LNX1: variants seen among roughly 807,000 people sequenced by gnomAD.
LNX1 encodes the protein ligand of numb-protein X 1.
Under a neutral mutation model 68.4 loss-of-function variants are expected in LNX1, and 54 were observed. That is an observed-to-expected ratio of 0.79 (90% CI 0.63 to 0.99). The LOEUF (loss-of-function observed/expected upper bound fraction) is 0.99. Among genes scored for constraint, LNX1 ranks in the 50% least tolerant of loss-of-function variants. The pLI, the probability that LNX1 is intolerant of heterozygous loss-of-function variation, is 0.00. For synonymous variants in LNX1, 336 were observed against 350.0 expected (o/e 0.96, Z 0.45); for missense variants, 906 against 926.4 (o/e 0.98, Z 0.29).
chr4:53,620,901 A>G (rs1419526922), upstream of LNX1, among the ~76,000 whole-genome samples: 2 of 152,176 alleles, frequency 1.3e-5, no homozygotes, highest in South Asian at 2.1e-4. Context: ...TGCAAAAATG[A>G]CTTTTGAGCT....
intron 1 of LNX1, among the ~76,000 whole-genome samples, chr4:53,645,069 G>A (rs1484067235): frequency 6.6e-6 from 1 of 152,190 alleles, no homozygotes; most frequent in Admixed American, 6.5e-5. Flanking sequence ...TAAGGGCACA[G>A]CCAGGCAGTG....
chr4:53,585,941 C>G (rs777763192), intron 1 of LNX1, among the ~76,000 whole-genome samples: 3 of 152,098 alleles, frequency 2.0e-5, no homozygotes, highest in African/African-American at 4.8e-5. Context: ...ATGCTCCCAA[C>G]GATCCTTTCC....
chr4:53,557,980 G>A (rs1476263159), intron 2 of LNX1: 1 of 1,613,306 alleles, frequency 6.2e-7, no homozygotes, highest in Non-Finnish European at 8.5e-7. Context: ...CGAGCAGTGT[G>A]CTGCCTTCTC....
chr4:53,642,849 C>A (rs6554121), intron 1 of LNX1, among the ~76,000 whole-genome samples: 49,424 of 151,980 alleles, frequency 0.33, 8,522 homozygotes, highest in East Asian at 0.58. Context: ...CCCTCCCAGC[C>A]ATGGCATGGA....
chr4:53,609,045 C>T (rs544130100), intron 2 of LNX1, among the ~76,000 whole-genome samples: 21 of 152,240 alleles, frequency 1.4e-4, no homozygotes, highest in African/African-American at 4.3e-4. Context: ...CAGCGTGGTA[C>T]TGGTACAAAA....
chr4:53,571,041 G>T (rs1030877341), intron 2 of LNX1, among the ~76,000 whole-genome samples: 1 of 148,986 alleles, frequency 6.7e-6, no homozygotes, highest in South Asian at 2.2e-4. Flanking sequence ...AAAAAAAAAA[G>T]AATCTTTTTT....
In LNX1 at chr4:53,473,215, C is replaced by T. The variant is rs115431490; in HGVS notation, c.1892+3538G>A. On this transcript the variant is annotated intron_variant, in intron 9 of 10. Transcript: ENST00000263925. ...TAAGACTTCAAGGAAGATGAGACAA[C>T]AGAAGAAATGAGCCAATGGAACAGA... Among the ~76,000 whole-genome samples the T allele has an allele frequency of 9.5e-3, 1,440 of 152,068 alleles. 21 individuals carry two copies. Among genetic ancestry groups the T allele is most frequent in the African/African-American group, 0.033 (1,369 of 41,466 alleles).
At chr4:53,605,725 G>T (rs1373347490) in intron 2 of LNX1, among the ~76,000 whole-genome samples, 1 of 151,914 alleles carries the variant, frequency 6.6e-6, no homozygotes. Context: ...TGTCCTCTAG[G>T]TTCCTCCATG....
chr4:53,523,182 T>G (rs984039382), intron 2 of LNX1: 1 of 152,246 alleles, frequency 6.6e-6, no homozygotes, highest in Non-Finnish European at 1.5e-5. Context: ...GACACCAACC[T>G]AGGCATGGGT....
chr4:53,566,744 C>T (rs1195811322), intron 2 of LNX1, among the ~76,000 whole-genome samples: 10 of 151,590 alleles, frequency 6.6e-5, no homozygotes, highest in African/African-American at 2.2e-4. Flanking sequence ...GTGCTGTATT[C>T]AGGAAACCCA....
At position 53,471,165 on chromosome 4, in the gene LNX1, G is replaced by A. The variant is rs1219019789; in HGVS notation, c.1892+5588C>T. Among the ~76,000 whole-genome samples, 21 of 149,924 alleles carry A rather than the reference G, an allele frequency of 1.4e-4. No individual in the cohort carries two copies. The East Asian group carries it at 1.6e-3, about 11-fold the overall frequency. On this transcript the variant is annotated intron_variant, in intron 9 of 10. Coordinates refer to ENST00000263925, the MANE Select transcript of LNX1 (RefSeq NM_001126328.3). ...GAGATATAGACCAATGGAACAGAAC[G>A]GAGCCCTCAGAAATAATGCCGCATA...
intron 4 of LNX1, among the ~76,000 whole-genome samples, chr4:53,503,877 T>C (rs1725676764): frequency 6.6e-6 from 1 of 152,208 alleles, no homozygotes; most frequent in South Asian, 2.1e-4. Flanking sequence ...CTCACACCTG[T>C]AATCCTAGCA....
intron 6 of LNX1, among the ~76,000 whole-genome samples, chr4:53,486,679 C>A (rs1005388099): frequency 1.3e-5 from 2 of 152,092 alleles, no homozygotes; most frequent in African/African-American, 4.8e-5. Context: ...TAGGAACCAT[C>A]TAATATTCAG....
chr4:53,525,533 A>G (rs1390178264), intron 2 of LNX1, among the ~76,000 whole-genome samples: 1 of 152,202 alleles, frequency 6.6e-6, no homozygotes, highest in African/African-American at 2.4e-5. Flanking sequence ...TTCCAGCTCT[A>G]TTTTGACCTC....
Position 53,459,606 on chromosome 4 carries a change from CATGTT to C in LNX1, c.*1296_*1300del. ...TTCCAAAATAAAAGAGTGAATTTTT[CATGTT>C]AAGTTAAAAATCTTTGTCTTGTACT... On this transcript the variant is annotated 3_prime_UTR_variant, in exon 11 of 11. Coordinates refer to ENST00000263925, the MANE Select transcript of LNX1 (RefSeq NM_001126328.3). The C allele has an allele frequency of 2.0e-6, 2 of 1,015,524 alleles. No individual in the cohort carries two copies. The highest frequency in any genetic ancestry group is 4.7e-5 in the Admixed American group (2 of 42,398). The allele number at this position is 1,015,524 out of a possible 1,614,324, so 62.9% of individuals were successfully genotyped here. A position where few individuals can be genotyped will look rare whatever the true frequency, so the allele number is the denominator to read the frequency against.
chr4:53,616,354 T>C (rs1302372837), intron 2 of LNX1, among the ~76,000 whole-genome samples: 1 of 152,214 alleles, frequency 6.6e-6, no homozygotes, highest in African/African-American at 2.4e-5. Context: ...TGCATCTAAT[T>C]TCTACTCTTC....
At chr4:53,604,717 T>A (rs569576591) in intron 2 of LNX1, among the ~76,000 whole-genome samples, 184 of 152,352 alleles carry the variant, frequency 1.2e-3, no homozygotes, top group African/African-American at 4.2e-3. Context: ...AGAGACAGAC[T>A]AATTTGTTTC....
At chr4:53,531,252 T>C (rs1728001841) in intron 2 of LNX1, among the ~76,000 whole-genome samples, 1 of 152,180 alleles carries the variant, frequency 6.6e-6, no homozygotes, top group Admixed American at 6.5e-5. Context: ...AAAGAACACT[T>C]TATGGTCAAC....
chr4:53,476,625 C>T, intron 9 of LNX1, 128 bp downstream of exon 9: 1 of 801,220 alleles, frequency 1.2e-6, no homozygotes, highest in Non-Finnish European at 2.1e-6. Flanking sequence ...ATTTCACAGT[C>T]CCACAACCAA....
Sources: gnomAD v4.1 joint callset for allele counts (sites outside exome capture counted in the v4.1 genomes callset) on GRCh38, gnomAD v4.1.1 for gene constraint, MANE v1.5 for transcripts, NCBI Gene and HGNC (gene_info 2026-07-23, HGNC 2026-07-21) for gene names.